PLEKHD1: variants seen among roughly 807,000 people sequenced by gnomAD.
PLEKHD1 encodes pleckstrin homology and coiled-coil domain containing D1.
PLEKHD1 carries 51 observed loss-of-function variants against 69.2 expected under a neutral mutation model. That is an observed-to-expected ratio of 0.74 (90% CI 0.59 to 0.93). The LOEUF (loss-of-function observed/expected upper bound fraction) is 0.93. PLEKHD1 is among the 40% of genes least tolerant of loss of function. The pLI, the probability that PLEKHD1 is intolerant of heterozygous loss-of-function variation, is 0.00. For synonymous variants in PLEKHD1, 236 were observed against 244.7 expected (o/e 0.96, Z 0.33); for missense variants, 584 against 641.0 (o/e 0.91, Z 0.96).
the PLEKHD1 span, among the ~76,000 whole-genome samples, chr14:69,471,013 G>A: frequency 6.1e-5 from 9 of 148,456 alleles, no homozygotes; most frequent in Non-Finnish European, 8.9e-5. Flanking sequence ...GGATGGTCTC[G>A]ATCTCCTGAC....
intron 1 of PLEKHD1, among the ~76,000 whole-genome samples, chr14:69,494,609 A>G (rs921617210): frequency 6.6e-6 from 1 of 152,262 alleles, no homozygotes; most frequent in Non-Finnish European, 1.5e-5. Context: ...ACAGAAGCCA[A>G]TGCATGAGAA....
At chr14:69,471,887 A>G in the PLEKHD1 span, among the ~76,000 whole-genome samples, 3 of 152,200 alleles carry the variant, frequency 2.0e-5, no homozygotes, top group African/African-American at 7.2e-5. Flanking sequence ...TACCATAGAT[A>G]TAATGTTTAA....
rs141321990 is a variant in PLEKHD1 at position 69,526,841 on chromosome 14, C to A, written c.1056+12C>A. The A allele has an allele frequency of 2.0e-6, 3 of 1,524,558 alleles. No individual in the cohort carries two copies. The highest frequency in any genetic ancestry group is 1.4e-5 in the African/African-American group (1 of 72,154). 94.4% of individuals were successfully genotyped at this position (1,524,558 alleles called of 1,614,324 possible). A position where few individuals can be genotyped will look rare whatever the true frequency, so the allele number is the denominator to read the frequency against. On this transcript the variant is annotated intron_variant, in intron 10 of 12. Transcript: ENST00000322564. ...AGCGGGAGCTCAAGGTGCGACCTGG[C>A]CTGCTGGTGCCAGGGCCCTTCCCCT...
intron 1 of PLEKHD1, among the ~76,000 whole-genome samples, chr14:69,498,592 T>TCTTCTCTTCTCTTCTCTTCCCTTCC (rs1309488806): frequency 1.4e-5 from 1 of 70,722 alleles, no homozygotes; most frequent in Admixed American, 1.3e-4. Flanking sequence ...TTTTGTTTTC[T>TCTTCTCTTCTCTTCTCTTCCCTTCC]CTTCTCTTCT....
intron 12 of PLEKHD1, 54 bp downstream of exon 12, chr14:69,527,986 G>A: frequency 6.5e-7 from 1 of 1,548,266 alleles, no homozygotes; most frequent in Admixed American, 2.0e-5. Context: ...CAGGAAGAGG[G>A]CAACATGGGG....
chr14:69,480,555 G>A (rs1428404705), upstream of PLEKHD1, among the ~76,000 whole-genome samples: 6 of 152,200 alleles, frequency 3.9e-5, no homozygotes, highest in South Asian at 8.3e-4. Flanking sequence ...GTCCAATAAC[G>A]ATGACTCCAG....
intron 1 of PLEKHD1, among the ~76,000 whole-genome samples, chr14:69,487,949 T>C (rs1480184450): frequency 6.6e-6 from 1 of 152,190 alleles, no homozygotes; most frequent in Non-Finnish European, 1.5e-5. Flanking sequence ...CCCAAATCCC[T>C]GCTGAACACT....
intron 6 of PLEKHD1, among the ~76,000 whole-genome samples, chr14:69,518,532 G>A (rs1883437661): frequency 6.6e-6 from 1 of 152,184 alleles, no homozygotes; most frequent in Non-Finnish European, 1.5e-5. Context: ...GAATTGCATT[G>A]AGCTCGTAAA....
chr14:69,492,145 C>G (rs868067936), intron 1 of PLEKHD1, among the ~76,000 whole-genome samples: 1 of 152,190 alleles, frequency 6.6e-6, no homozygotes, highest in African/African-American at 2.4e-5. Flanking sequence ...CGCACCTCCC[C>G]TGCACCACTG....
intron 1 of PLEKHD1, among the ~76,000 whole-genome samples, chr14:69,493,604 A>C (rs1195799052): frequency 6.6e-6 from 1 of 152,202 alleles, no homozygotes; most frequent in Non-Finnish European, 1.5e-5. Context: ...AAGTCAATAA[A>C]ACACTTAGCA....
At position 69,500,022 on chromosome 14, in the gene PLEKHD1, G is replaced by A. The variant is rs1415537331; in HGVS notation, c.150-93G>A. 31 of 819,764 alleles carry A rather than the reference G, an allele frequency of 3.8e-5. No individual in the cohort carries two copies. The East Asian group carries it at 8.2e-4, about 22-fold the overall frequency. The allele number at this position is 819,764 out of a possible 1,614,324, so 50.8% of individuals were successfully genotyped here. A position where few individuals can be genotyped will look rare whatever the true frequency, so the allele number is the denominator to read the frequency against. ...AGCTGGTGTCCCTGTGGGCTCCCATGTGAGTCCAGGGCCCCCAAGGGTGCT... is the reference window on the plus strand; with the variant it reads ...AGCTGGTGTCCCTGTGGGCTCCCATATGAGTCCAGGGCCCCCAAGGGTGCT... On this transcript the variant is annotated intron_variant, in intron 1 of 12. Coordinates refer to ENST00000322564, the MANE Select transcript of PLEKHD1 (RefSeq NM_001161498.2).
At chr14:69,514,713 A>G (rs1336631547) in intron 6 of PLEKHD1, among the ~76,000 whole-genome samples, 1 of 151,894 alleles carries the variant, frequency 6.6e-6, no homozygotes, top group Non-Finnish European at 1.5e-5. Flanking sequence ...GCCTTTAGTG[A>G]TGTGGTGGTC....
chr14:69,488,824 CA>C (rs1316303107), intron 1 of PLEKHD1, among the ~76,000 whole-genome samples: 1 of 152,182 alleles, frequency 6.6e-6, no homozygotes, highest in Non-Finnish European at 1.5e-5. Context: ...GCTGTTCTCC[CA>C]AGCTCACGAT....
chr14:69,526,369 T>A (rs1383338756), intron 9 of PLEKHD1, among the ~76,000 whole-genome samples: 2 of 152,210 alleles, frequency 1.3e-5, no homozygotes, highest in African/African-American at 4.8e-5. Context: ...CTTGTCACCA[T>A]GCTTTGTGAC....
intron 6 of PLEKHD1, among the ~76,000 whole-genome samples, chr14:69,511,550 T>A (rs1217189554): frequency 6.6e-6 from 1 of 152,106 alleles, no homozygotes; most frequent in African/African-American, 2.4e-5. Flanking sequence ...TTTCTCCTTT[T>A]CTTTTTTTTC....
chr14:69,490,401 G>T (rs1213642173), intron 1 of PLEKHD1, among the ~76,000 whole-genome samples: 2 of 152,228 alleles, frequency 1.3e-5, no homozygotes, highest in Non-Finnish European at 2.9e-5. Context: ...AGGCGGTAAT[G>T]CCAGCCACGG....
chr14:69,523,652 C>G (rs551622630), intron 7 of PLEKHD1, among the ~76,000 whole-genome samples: 1 of 152,020 alleles, frequency 6.6e-6, no homozygotes, highest in East Asian at 1.9e-4. Flanking sequence ...TCCTGTGTTA[C>G]GAGAATTGAG....
chr14:69,502,413 C>G, intron 5 of PLEKHD1: 1 of 244,712 alleles, frequency 4.1e-6, no homozygotes, highest in South Asian at 5.8e-5. Context: ...AGCCTGGGAC[C>G]CTCTCCCCTC....
chr14:69,471,456 G>A, the PLEKHD1 span, among the ~76,000 whole-genome samples: 3 of 152,012 alleles, frequency 2.0e-5, no homozygotes, highest in Non-Finnish European at 1.5e-5. Context: ...CTCTGAAGCT[G>A]GAGCTCAGGC....
Sources: allele counts gnomAD v4.1 joint callset (sites outside exome capture counted in the v4.1 genomes callset), GRCh38; gene constraint gnomAD v4.1.1; transcripts MANE v1.5; gene names NCBI Gene and HGNC (gene_info 2026-07-23, HGNC 2026-07-21).